CSTPP1: variants seen among roughly 807,000 people sequenced by gnomAD.
The protein encoded by CSTPP1 is centriolar satellite-associated tubulin polyglutamylase complex regulator 1.
At chr11:47,077,091 TA>T in the CSTPP1 span, among the ~76,000 whole-genome samples, 195 of 141,392 alleles carry the variant, frequency 1.4e-3, no homozygotes, top group Middle Eastern at 7.1e-3. Context: ...ATGAGAAGCT[TA>T]AAAAAAAAAA....
At chr11:46,971,339 T>G in the CSTPP1 span, among the ~76,000 whole-genome samples, 1 of 152,218 alleles carries the variant, frequency 6.6e-6, no homozygotes, top group East Asian at 1.9e-4. Context: ...ACACAGAACT[T>G]TATATTGGGA....
chr11:46,942,711 T>G, the CSTPP1 span, among the ~76,000 whole-genome samples: 1 of 152,202 alleles, frequency 6.6e-6, no homozygotes, highest in African/African-American at 2.4e-5. Context: ...TCTCATTTAA[T>G]TTTCACAACT....
chr11:47,146,030 C>T, the CSTPP1 span, among the ~76,000 whole-genome samples: 1 of 152,186 alleles, frequency 6.6e-6, no homozygotes, highest in South Asian at 2.1e-4. Context: ...ACTACAGGTG[C>T]ACACCACCAC....
chr11:47,004,149 G>A, the CSTPP1 span, among the ~76,000 whole-genome samples: 2 of 147,556 alleles, frequency 1.4e-5, no homozygotes, highest in African/African-American at 5.0e-5. Context: ...TGTTGTTGTT[G>A]TTACTGGTTT....
the CSTPP1 span, among the ~76,000 whole-genome samples, chr11:47,009,799 G>A: frequency 6.6e-6 from 1 of 151,644 alleles, no homozygotes; most frequent in African/African-American, 2.4e-5. Context: ...CAGAGTGACA[G>A]AGTAAGACTC....
At chr11:47,153,455 T>TA in the CSTPP1 span, among the ~76,000 whole-genome samples, 1 of 152,156 alleles carries the variant, frequency 6.6e-6, no homozygotes, top group African/African-American at 2.4e-5. Context: ...GGTAAAATGT[T>TA]AGTGTTTTTG....
At chr11:47,051,354 C>T in the CSTPP1 span, among the ~76,000 whole-genome samples, 1 of 152,214 alleles carries the variant, frequency 6.6e-6, no homozygotes, top group Non-Finnish European at 1.5e-5. Context: ...CCAGGCTCTA[C>T]AGCCTTTATT....
chr11:47,075,678 G>A, the CSTPP1 span, among the ~76,000 whole-genome samples: 1 of 151,982 alleles, frequency 6.6e-6, no homozygotes, highest in Non-Finnish European at 1.5e-5. Context: ...CAGCACTTTG[G>A]GAGGCAGAGG....
chr11:47,119,179 C>A, the CSTPP1 span, among the ~76,000 whole-genome samples: 9 of 152,258 alleles, frequency 5.9e-5, no homozygotes, highest in Non-Finnish European at 1.3e-4. Context: ...GCCCCTCCCC[C>A]AGCCAGGCTG....
chr11:47,030,974 C>T, the CSTPP1 span, among the ~76,000 whole-genome samples: 4 of 152,098 alleles, frequency 2.6e-5, no homozygotes, highest in Non-Finnish European at 5.9e-5. Context: ...AAATACCATT[C>T]GACCCAGCAA....
the CSTPP1 span, among the ~76,000 whole-genome samples, chr11:47,147,007 G>A: frequency 6.6e-6 from 1 of 152,206 alleles, no homozygotes; most frequent in East Asian, 1.9e-4. Flanking sequence ...AGGAATGCTA[G>A]ACTCCCAAGT....
the CSTPP1 span, among the ~76,000 whole-genome samples, chr11:46,967,671 G>A: frequency 1.6e-4 from 25 of 151,826 alleles, no homozygotes; most frequent in African/African-American, 5.3e-4. Context: ...AACTGTGCCC[G>A]GCACATAGGA....
chr11:47,042,124 C>A, the CSTPP1 span, among the ~76,000 whole-genome samples: 1 of 72,746 alleles, frequency 1.4e-5, no homozygotes, highest in Admixed American at 1.8e-4. Context: ...ATCACTTGAG[C>A]TCAGGAGTTC....
chr11:47,161,096 A>T, the CSTPP1 span: 1 of 1,613,948 alleles, frequency 6.2e-7, no homozygotes, highest in Non-Finnish European at 8.5e-7. Context: ...GGGCCCTCAG[A>T]TTAACTACTG....
chr11:47,139,435 A>C, the CSTPP1 span, among the ~76,000 whole-genome samples: 1 of 152,152 alleles, frequency 6.6e-6, no homozygotes, highest in Non-Finnish European at 1.5e-5. Flanking sequence ...GCACTTTGGG[A>C]GGCCGAGGTG....
the CSTPP1 span, among the ~76,000 whole-genome samples, chr11:46,964,289 C>CG: frequency 4.7e-4 from 66 of 141,916 alleles, no homozygotes; most frequent in Non-Finnish European, 4.6e-4. Context: ...CTCTCTCTCT[C>CG]TTTTTTTTTT....
the CSTPP1 span, among the ~76,000 whole-genome samples, chr11:47,104,892 T>A: frequency 6.6e-6 from 1 of 152,228 alleles, no homozygotes; most frequent in Non-Finnish European, 1.5e-5. Flanking sequence ...TCAGTTTACA[T>A]CTGTTTGTCT....
chr11:47,109,619 G>A, the CSTPP1 span, among the ~76,000 whole-genome samples: 1 of 152,192 alleles, frequency 6.6e-6, no homozygotes, highest in East Asian at 1.9e-4. Context: ...GTGTGAAACA[G>A]TGCTGCGATT....
the CSTPP1 span, among the ~76,000 whole-genome samples, chr11:47,007,001 GTTTTTTTTTTTT>G: frequency 1.7e-4 from 19 of 111,122 alleles, no homozygotes; most frequent in African/African-American, 6.4e-4. Flanking sequence ...ATTTTGTGTG[GTTTTTTTTTTTT>G]TTTTTTTTTT....
Sources: gnomAD v4.1 joint callset for allele counts (sites outside exome capture counted in the v4.1 genomes callset) on GRCh38, gnomAD v4.1.1 for gene constraint, MANE v1.5 for transcripts, NCBI Gene and HGNC (gene_info 2026-07-23, HGNC 2026-07-21) for gene names.